Variants in TENM2 observed in about 807,000 individuals in gnomAD.
The protein encoded by TENM2 is teneurin transmembrane protein 2.
Under a neutral mutation model 245.2 loss-of-function variants are expected in TENM2, and 52 were observed. The observed-to-expected ratio is 0.21, with a 90% confidence interval of 0.17 to 0.27. The LOEUF is 0.27. Among genes scored for constraint, TENM2 ranks in the 10% least tolerant of loss-of-function variants. The pLI is 1.00. For missense variants in TENM2, 3,046 were observed against 3,666.8 expected (o/e 0.83, Z 4.37); for synonymous variants, 1,363 against 1,438.9 (o/e 0.95, Z 1.19).
At chr5:167,709,627 T>C (rs1758773003) in intron 2 of TENM2, among the ~76,000 whole-genome samples, 2 of 152,222 alleles carry the variant, frequency 1.3e-5, no homozygotes, top group African/African-American at 2.4e-5. Context: ...GTTCTCTGTC[T>C]CTTTCTCAGG....
chr5:167,399,741 A>G (rs913006240), intron 2 of TENM2, among the ~76,000 whole-genome samples: 1 of 152,168 alleles, frequency 6.6e-6, no homozygotes, highest in Non-Finnish European at 1.5e-5. Flanking sequence ...GTAAATTAGT[A>G]AAATATTTGA....
intron 2 of TENM2, among the ~76,000 whole-genome samples, chr5:167,434,408 A>C (rs56049327): frequency 0.097 from 6,469 of 66,794 alleles, 255 homozygotes; most frequent in African/African-American, 0.2. Context: ...GAAAGACTCT[A>C]TCTCAAAAAA....
rs1778717094 is a variant in TENM2 at position 167,629,347 on chromosome 5, G to A, written c.503-246639G>A. Among the ~76,000 whole-genome samples, 3 of 152,160 alleles carry A rather than the reference G, an allele frequency of 2.0e-5. No individual in the cohort carries two copies. In the South Asian group the frequency reaches 6.2e-4, roughly 31 times the overall value. On this transcript the variant is annotated intron_variant, in intron 2 of 28. Transcript: ENST00000518659. ...AGTGCTTACTTCCTAGGGTTTTTCT[G>A]AAGATTAAATGAGATAATCCATGAT...
chr5:168,225,472 C>G (rs1222349599), intron 23 of TENM2, among the ~76,000 whole-genome samples: 3 of 152,140 alleles, frequency 2.0e-5, no homozygotes, highest in African/African-American at 7.2e-5. Flanking sequence ...AATTAAAAAA[C>G]AAGAGAGGGC....
intron 3 of TENM2, among the ~76,000 whole-genome samples, chr5:167,889,614 GA>G: frequency 6.6e-6 from 1 of 151,924 alleles, no homozygotes; most frequent in Non-Finnish European, 1.5e-5. Context: ...CACTGTCTTT[GA>G]TACATTCCTA....
intron 2 of TENM2, among the ~76,000 whole-genome samples, chr5:167,530,220 A>G (rs1771399417): frequency 6.6e-6 from 1 of 152,202 alleles, no homozygotes; most frequent in African/African-American, 2.4e-5. Flanking sequence ...GACAGATCGG[A>G]TTTTAAAAAC....
the TENM2 span, among the ~76,000 whole-genome samples, chr5:167,086,453 C>T: frequency 2.0e-5 from 3 of 152,138 alleles, no homozygotes; most frequent in Admixed American, 2.0e-4. Context: ...AATTCTGAAA[C>T]AGAGGTCAAA....
chr5:167,623,243 A>T (rs969256598), intron 2 of TENM2, among the ~76,000 whole-genome samples: 2 of 152,092 alleles, frequency 1.3e-5, no homozygotes, highest in African/African-American at 4.8e-5. Context: ...TTTATTTTCT[A>T]ATACTAGGTT....
intron 2 of TENM2, among the ~76,000 whole-genome samples, chr5:167,633,083 G>C (rs1778978067): frequency 6.6e-6 from 1 of 152,164 alleles, no homozygotes. Context: ...TGGATGTTTT[G>C]AGTTTGAAGT....
chr5:167,421,176 C>G (rs866371624), intron 2 of TENM2, among the ~76,000 whole-genome samples: 15 of 152,152 alleles, frequency 9.9e-5, no homozygotes, highest in African/African-American at 3.6e-4. Flanking sequence ...AACAAAACCC[C>G]CACATTGTTG....
chr5:167,755,814 C>T (rs911041390), intron 2 of TENM2, among the ~76,000 whole-genome samples: 1 of 152,178 alleles, frequency 6.6e-6, no homozygotes, highest in Non-Finnish European at 1.5e-5. Flanking sequence ...TTTTGTGAAA[C>T]TCCTGGTGTC....
At chr5:167,648,607 T>C (rs1780123733) in intron 2 of TENM2, among the ~76,000 whole-genome samples, 1 of 152,222 alleles carries the variant, frequency 6.6e-6, no homozygotes, top group Admixed American at 6.5e-5. Context: ...GTCTGTTTGA[T>C]GTCAGTCTCC....
At chr5:168,048,476 A>G (rs1473515763) in intron 6 of TENM2, among the ~76,000 whole-genome samples, 1 of 152,204 alleles carries the variant, frequency 6.6e-6, no homozygotes, top group East Asian at 1.9e-4. Flanking sequence ...TTTATTAGGC[A>G]CCTATTGCAT....
the TENM2 span, among the ~76,000 whole-genome samples, chr5:167,170,124 T>C: frequency 1.3e-5 from 2 of 152,262 alleles, no homozygotes; most frequent in East Asian, 3.9e-4. Flanking sequence ...GAATCTTATG[T>C]CTTCTTTCTA....
intron 1 of TENM2, among the ~76,000 whole-genome samples, chr5:167,362,263 C>G (rs1200826140): frequency 6.6e-6 from 1 of 152,190 alleles, no homozygotes; most frequent in East Asian, 1.9e-4. Flanking sequence ...TTTTTATAAG[C>G]TCAATGGCTG....
At chr5:167,353,509 T>TTTTG (rs1759086517) in intron 1 of TENM2, among the ~76,000 whole-genome samples, 1 of 102,568 alleles carries the variant, frequency 9.7e-6, no homozygotes, top group Non-Finnish European at 1.9e-5. Context: ...TGTTTTTTTT[T>TTTTG]TTTTTTTTTT....
intron 25 of TENM2, among the ~76,000 whole-genome samples, chr5:168,236,676 C>A (rs909111757): frequency 6.6e-6 from 1 of 151,978 alleles, no homozygotes; most frequent in Middle Eastern, 3.4e-3. Context: ...CCCCCTCTGG[C>A]CTGTGGCCTG....
rs769684684 is a variant in TENM2 at position 168,248,188 on chromosome 5, G to T, written c.7249G>T (p.Asp2417Tyr). The T allele has an allele frequency of 5.6e-6, 9 of 1,613,878 alleles. No individual in the cohort carries two copies. In the East Asian group the frequency reaches 2.0e-4, roughly 36 times the overall value. ...CATTGGCTTCCATGGGGGACTCTAT[G>T]ACCCCCTGACCAAGCTGGTCCACTT... Residue 2417 changes from aspartate (D) to tyrosine (Y), a missense_variant, in exon 27 of 29, where the codon GAC (aspartate) becomes TAC (tyrosine). Asp to Tyr is a radical substitution (Grantham distance 160). Around this residue, in one of 2 missense-constraint regions of TENM2, gnomAD observed 2,704 missense variants for 3,331.9 expected, o/e 0.81. Transcript: ENST00000518659.
intron 2 of TENM2, among the ~76,000 whole-genome samples, chr5:167,713,838 T>G (rs917563253): frequency 6.6e-6 from 1 of 152,214 alleles, no homozygotes; most frequent in Admixed American, 6.5e-5. Flanking sequence ...GCTCCCATTT[T>G]CTCATTTCCC....
Sources: gnomAD v4.1 joint callset for allele counts (sites outside exome capture counted in the v4.1 genomes callset) on GRCh38, gnomAD v4.1.1 for gene constraint, gnomAD v4.1.1 regional missense constraint, MANE v1.5 for transcripts, NCBI Gene and HGNC (gene_info 2026-07-23, HGNC 2026-07-21) for gene names.